The following COL6A5 variants were observed in gnomAD, a reference collection of about 807,000 sequenced individuals.
The protein encoded by COL6A5 is collagen alpha-5(VI) chain.
In COL6A5, 48 loss-of-function variants were observed where a neutral mutation model predicts 65.6. The observed-to-expected ratio is 0.73, with a 90% CI of 0.58 to 0.93. COL6A5 has a LOEUF of 0.93. Among genes scored for constraint, COL6A5 ranks in the 40% least tolerant of loss-of-function variants. The pLI, the probability that COL6A5 is intolerant of heterozygous loss-of-function variation, is 0.00. For missense variants in COL6A5, 914 were observed against 928.3 expected, an observed-to-expected ratio of 0.98 and a Z score of 0.20; for synonymous variants, 291 against 322.8, an observed-to-expected ratio of 0.90 and a Z score of 1.05.
exon 5 of COL6A5, chr3:130,455,488 A>C: frequency 6.2e-7 from 1 of 1,612,232 alleles, no homozygotes; most frequent in East Asian, 2.2e-5. Flanking sequence ...ATTTTTTGGG[A>C]GGTAATGGCT....
At chr3:130,359,038 G>T (rs1935019167) in intron 1 of COL6A5, among the ~76,000 whole-genome samples, 1 of 152,136 alleles carries the variant, frequency 6.6e-6, no homozygotes, top group Non-Finnish European at 1.5e-5. Flanking sequence ...CAATGAGTAG[G>T]CATTGACTAA....
At chr3:130,381,696 C>T (rs1936000118) in intron 4 of COL6A5, among the ~76,000 whole-genome samples, 1 of 151,910 alleles carries the variant, frequency 6.6e-6, no homozygotes, top group South Asian at 2.1e-4. Context: ...GAAAATGCTT[C>T]CAGGCAATTG....
chr3:130,465,594 T>G (rs1220353906), intron 5 of COL6A5, among the ~76,000 whole-genome samples: 3 of 152,126 alleles, frequency 2.0e-5, no homozygotes, highest in African/African-American at 7.2e-5. Context: ...AGGATCAGAC[T>G]CTTTCCATGC....
chr3:130,403,763 C>A, intron 13 of COL6A5, 101 bp downstream of exon 13: 2 of 882,398 alleles, frequency 2.3e-6, no homozygotes, highest in Non-Finnish European at 1.6e-6. Flanking sequence ...ATAAAAAAAG[C>A]TTATTTTCAT....
intron 1 of COL6A5, among the ~76,000 whole-genome samples, chr3:130,372,467 A>C (rs1488435717): frequency 2.6e-5 from 4 of 152,084 alleles, no homozygotes; most frequent in Admixed American, 2.6e-4. Flanking sequence ...ATCTATATCC[A>C]TACAATGGAA....
At chr3:130,357,239 T>C (rs1934956157) in intron 1 of COL6A5, among the ~76,000 whole-genome samples, 1 of 152,142 alleles carries the variant, frequency 6.6e-6, no homozygotes, top group Non-Finnish European at 1.5e-5. Context: ...TGGAAAATGA[T>C]AGGAGGGCAC....
Position 130,443,027 on chromosome 3 carries a change from C to T in COL6A5, c.1242-449C>T, listed in dbSNP as rs138264830. 2.7e-3 allele frequency among the ~76,000 whole-genome samples: 411 copies of T among 152,258 alleles called. 3 individuals are homozygous for T. The highest frequency in any genetic ancestry group is 9.2e-3 in the African/African-American group (381 of 41,564). ...GTAAGGTAAAATCTTGTCTATGATT[C>T]TTTTCCTCATAGGAATCAGTATTAG... On this transcript the variant is annotated intron_variant, in intron 3 of 7. Transcript: ENST00000512836.
rs1377996694 is a variant in COL6A5, at chr3:130,362,351, T to A, written c.-28-11260T>A. On this transcript the variant is annotated intron_variant and NMD_transcript_variant, in intron 1 of 41. Coordinates refer to the COL6A5 transcript ENST00000312481. ...ATTTTTTTTTTTTTTTTTTTTTGCATGTGGATGTCTGGTTGTTTCAGCACT... is the reference window on the plus strand; with the variant it reads ...ATTTTTTTTTTTTTTTTTTTTTGCAAGTGGATGTCTGGTTGTTTCAGCACT... Among the ~76,000 whole-genome samples, 23 of 133,494 alleles carry A rather than the reference T, an allele frequency of 1.7e-4. 1 individual carries two copies. The highest frequency in any genetic ancestry group is 1.3e-3 in the East Asian group (6 of 4,660). 87.6% of individuals were successfully genotyped at this position (133,494 alleles called of 152,430 possible). A position where few individuals can be genotyped will look rare whatever the true frequency, so the allele number is the denominator to read the frequency against.
intron 5 of COL6A5, among the ~76,000 whole-genome samples, chr3:130,461,775 T>C (rs819077): frequency 6.9e-6 from 1 of 145,516 alleles, no homozygotes; most frequent in East Asian, 2.2e-4. Flanking sequence ...TTTTTTTTTT[T>C]AAAAAAAACC....
rs776292131 is a variant in COL6A5 at position 130,421,350 on chromosome 3, C to T, written c.5027C>T (p.Ala1676Val). ...GGCCCAAGAGGATTCCCTGGAGATG[C>T]GGGGCAGAAGGTATTGTATGCATGA... The change falls in exon 27 of 42, where the codon GCG becomes GTG. Residue 1676 changes from alanine to valine, a missense_variant and NMD_transcript_variant. By Grantham distance (64) the Ala-to-Val change is moderately conservative. Coordinates refer to the COL6A5 transcript ENST00000312481. The T allele has an allele frequency of 5.0e-5, 78 of 1,550,458 alleles. No individual in the cohort carries two copies. Among genetic ancestry groups the T allele is most frequent in the Admixed American group, 5.9e-5 (3 of 50,938 alleles).
At chr3:130,386,555 T>C (rs1030961208) in intron 5 of COL6A5, among the ~76,000 whole-genome samples, 3 of 152,112 alleles carry the variant, frequency 2.0e-5, no homozygotes, top group African/African-American at 7.2e-5. Context: ...CTCCCTGTTA[T>C]GGACAGTAAC....
chr3:130,461,498 A>T (rs1457863265), intron 5 of COL6A5, among the ~76,000 whole-genome samples: 1 of 152,118 alleles, frequency 6.6e-6, no homozygotes, highest in African/African-American at 2.4e-5. Context: ...CACTGATGCA[A>T]AGGTTAAGAA....
At chr3:130,453,404 A>G (rs1030149023) in intron 4 of COL6A5, among the ~76,000 whole-genome samples, 3 of 152,168 alleles carry the variant, frequency 2.0e-5, no homozygotes, top group Non-Finnish European at 4.4e-5. Flanking sequence ...TTCCCGCAAC[A>G]GAAGCCAATG....
intron 8 of COL6A5, among the ~76,000 whole-genome samples, chr3:130,396,676 A>G (rs1215835577): frequency 6.6e-6 from 1 of 152,172 alleles, no homozygotes; most frequent in Non-Finnish European, 1.5e-5. Context: ...CATTTTCCAC[A>G]TAGCTACTCT....
At chr3:130,479,747 CA>C (rs1355174774) in intron 7 of COL6A5, among the ~76,000 whole-genome samples, 2 of 151,942 alleles carry the variant, frequency 1.3e-5, no homozygotes, top group African/African-American at 4.8e-5. Context: ...AATATTTTAT[CA>C]AAAAATATAC....
chr3:130,393,073 T>TG (rs1240361824), intron 7 of COL6A5, among the ~76,000 whole-genome samples: 1 of 81,058 alleles, frequency 1.2e-5, no homozygotes, highest in East Asian at 1.2e-3. Context: ...CAGTGTTTTT[T>TG]TTTTGTGTGT....
intron 5 of COL6A5, among the ~76,000 whole-genome samples, chr3:130,460,564 C>G (rs1709679697): frequency 6.6e-6 from 1 of 152,052 alleles, no homozygotes; most frequent in Non-Finnish European, 1.5e-5. Flanking sequence ...TTATGTGACC[C>G]TTTCTAATGG....
intron 29 of COL6A5, among the ~76,000 whole-genome samples, chr3:130,425,913 C>A (rs1444771417): frequency 6.6e-6 from 1 of 152,132 alleles, no homozygotes; most frequent in East Asian, 1.9e-4. Context: ...AGTATTACAT[C>A]TTTAGTAAAA....
At chr3:130,469,138 A>G in exon 6 of COL6A5, 4 of 1,613,090 alleles carry the variant, frequency 2.5e-6, no homozygotes, top group Non-Finnish European at 2.5e-6. Flanking sequence ...AAGACTCTCA[A>G]CAGCTCAATG....
Sources: gnomAD v4.1 joint callset for allele counts (sites outside exome capture counted in the v4.1 genomes callset) on GRCh38, gnomAD v4.1.1 for gene constraint, MANE v1.5 for transcripts, NCBI Gene and HGNC (gene_info 2026-07-23, HGNC 2026-07-21) for gene names.